PIP5K1C: variants seen among roughly 807,000 people sequenced by gnomAD.
PIP5K1C encodes phosphatidylinositol 4-phosphate 5-kinase type-1 gamma.
PIP5K1C carries 45 observed loss-of-function variants against 80.1 expected under a neutral mutation model. The ratio of observed to expected loss-of-function variants is 0.56; its 90% confidence interval spans 0.44 to 0.72. PIP5K1C has a LOEUF of 0.72. Ranked by LOEUF, PIP5K1C falls within the 30% of genes least tolerant of loss-of-function variation. The pLI, the probability that PIP5K1C is intolerant of heterozygous loss-of-function variation, is 0.00. For synonymous variants in PIP5K1C, 498 were observed against 420.1 expected, an observed-to-expected ratio of 1.19 and a Z score of -2.27; for missense variants, 753 against 954.6, an observed-to-expected ratio of 0.79 and a Z score of 2.78.
chr19:3,670,092 C>T (rs895369837), intron 1 of PIP5K1C, among the ~76,000 whole-genome samples: 24 of 119,736 alleles, frequency 2.0e-4, no homozygotes, highest in African/African-American at 7.6e-4. Context: ...GAACCTGGGG[C>T]AGGCGGCAGG....
intron 2 of PIP5K1C, 31 bp downstream of exon 2, chr19:3,667,291 C>G: frequency 5.0e-6 from 8 of 1,606,808 alleles, no homozygotes; most frequent in Non-Finnish European, 6.8e-6. Context: ...GGGTGGGGAC[C>G]CCAGGCCCTT....
Position 3,656,408 on chromosome 19 carries a change from G to C in PIP5K1C, c.618C>G (p.Tyr206Ter). The change falls in exon 6 of 18, where the codon TAC becomes TAG. Residue 206 changes from tyrosine to a stop codon, truncating the protein, a stop_gained. Transcript: ENST00000335312. LOFTEE classifies it high-confidence loss of function. ...EFLQKLLPGY[Y>*]MNLNQNPRTL... ...CCCCGCAGGGCGGGCCACGCACCAT[G>C]TAGTAGCCAGGGAGCAGCTTCTGCA... 1 of 1,613,344 alleles carries C rather than the reference G, an allele frequency of 6.2e-7. No homozygotes were observed. The highest frequency in any genetic ancestry group is 8.5e-7 in the Non-Finnish European group (1 of 1,180,006).
At chr19:3,680,344 G>A (rs1037066348) in intron 1 of PIP5K1C, among the ~76,000 whole-genome samples, 4 of 152,072 alleles carry the variant, frequency 2.6e-5, no homozygotes, top group East Asian at 1.9e-4. Flanking sequence ...CTGCTCTGTC[G>A]CCCAGGCTGG....
At chr19:3,697,767 GGCTCAGACACGCCCAGGCCACA>G (rs1375767536) in intron 1 of PIP5K1C, among the ~76,000 whole-genome samples, 1 of 152,170 alleles carries the variant, frequency 6.6e-6, no homozygotes, top group Non-Finnish European at 1.5e-5. Context: ...GCCTGGGAGA[GGCTCAGACACGCCCAGGCCACA>G]GCTCAGACCA....
chr19:3,632,925 G>T lies in PIP5K1C; in HGVS notation c.*242C>A. Reference sequence around the variant, plus strand: ...CTCTGTGCCAAATAAGGACTCAAATGCGATTGGCCGCTCGGGAGGGTGGGT... The same window carrying T: ...CTCTGTGCCAAATAAGGACTCAAATTCGATTGGCCGCTCGGGAGGGTGGGT... On this transcript the variant is annotated 3_prime_UTR_variant, in exon 18 of 18. Coordinates refer to ENST00000335312, the MANE Select transcript of PIP5K1C (RefSeq NM_012398.3). The T allele has an allele frequency of 1.9e-6, 1 of 527,932 alleles. No individual in the cohort carries two copies. The highest frequency in any genetic ancestry group is 3.3e-6 in the Non-Finnish European group (1 of 299,092). 32.7% of individuals were successfully genotyped at this position (527,932 alleles called of 1,614,324 possible).
intron 1 of PIP5K1C, among the ~76,000 whole-genome samples, chr19:3,677,598 G>A (rs2035400813): frequency 6.6e-6 from 1 of 151,186 alleles, no homozygotes; most frequent in South Asian, 2.1e-4. Context: ...AAAAGAGACA[G>A]TGAGTCCAGT....
intron 3 of PIP5K1C, among the ~76,000 whole-genome samples, chr19:3,664,231 T>G (rs573379381): frequency 6.6e-6 from 1 of 152,338 alleles, no homozygotes; most frequent in African/African-American, 2.4e-5. Context: ...TGGGGGTGAC[T>G]GCTAACAGGG....
At chr19:3,668,659 C>T (rs1025524004) in intron 1 of PIP5K1C, among the ~76,000 whole-genome samples, 2 of 152,166 alleles carry the variant, frequency 1.3e-5, no homozygotes, top group African/African-American at 2.4e-5. Flanking sequence ...CACGTGCTGG[C>T]GTCCACCATG....
intron 1 of PIP5K1C, among the ~76,000 whole-genome samples, chr19:3,673,077 A>C (rs1320578507): frequency 1.0e-5 from 1 of 97,106 alleles, no homozygotes; most frequent in African/African-American, 4.0e-5. Flanking sequence ...GCAACCCTGC[A>C]GGGTGAAGAC....
rs149100941 is a variant in PIP5K1C, at chr19:3,637,889, C to T, written c.1920+995G>A. The T allele has an allele frequency of 2.2e-3, 3,318 of 1,535,360 alleles. 4 individuals carry two copies. The highest frequency in any genetic ancestry group is 2.7e-3 in the Non-Finnish European group (3,077 of 1,146,702). ...CCCGTACCATCCGGAGACCAGGACG[C>T]GCACAAACCAGTCCCAGGAAAAGGG... On this transcript the variant is annotated intron_variant, in intron 16 of 17. Transcript: ENST00000335312. The surrounding 1 kb of genome is among the most constrained non-coding windows in gnomAD (Gnocchi z 7.0).
chr19:3,643,248 C>G lies in PIP5K1C; in HGVS notation c.1644G>C (p.Arg548=). The change falls in exon 13 of 18, where the codon CGG becomes CGC. Residue 548 remains arginine, a synonymous_variant. Coordinates refer to ENST00000335312, the MANE Select transcript of PIP5K1C (RefSeq NM_012398.3). ...RSPSETSEQP[R]YRRRTQSSGQ... ...ACTGCGGATGCCTCGCCCACCTGTACCGCGGCTGCTCCGACGTCTCCGAGG... is the reference window on the plus strand; with the variant it reads ...ACTGCGGATGCCTCGCCCACCTGTAGCGCGGCTGCTCCGACGTCTCCGAGG... 6.2e-7 allele frequency: 1 copy of G among 1,613,468 alleles called. No individual in the cohort carries two copies. Among genetic ancestry groups the G allele is most frequent in the Non-Finnish European group, 8.5e-7 (1 of 1,179,870 alleles).
intron 1 of PIP5K1C, among the ~76,000 whole-genome samples, chr19:3,671,382 C>CG (rs35118115): frequency 6.6e-6 from 1 of 152,256 alleles, no homozygotes; most frequent in South Asian, 2.1e-4. Flanking sequence ...CCAGGCACCT[C>CG]GGGGTCACCC....
At chr19:3,633,190 G>T in intron 17 of PIP5K1C, 21 bp from the exon 18 acceptor site, 1 of 765,354 alleles carries the variant, frequency 1.3e-6, no homozygotes, top group Non-Finnish European at 2.4e-6. Flanking sequence ...AAGAGGACAG[G>T]TGAAGGTGGG....
intron 1 of PIP5K1C, among the ~76,000 whole-genome samples, chr19:3,699,712 C>T (rs1285662325): frequency 6.6e-6 from 1 of 152,170 alleles, no homozygotes; most frequent in Non-Finnish European, 1.5e-5. Context: ...CAGCCGTGCC[C>T]CCCGCCCAGC....
intron 1 of PIP5K1C, among the ~76,000 whole-genome samples, chr19:3,697,678 A>G (rs2036169230): frequency 6.6e-6 from 1 of 152,084 alleles, no homozygotes; most frequent in Admixed American, 6.5e-5. Context: ...CCAGGGCATC[A>G]CAGAGACAGA....
chr19:3,639,527 G>A (rs1291201917), intron 15 of PIP5K1C, among the ~76,000 whole-genome samples: 2 of 152,284 alleles, frequency 1.3e-5, no homozygotes, highest in African/African-American at 4.8e-5. Context: ...CACCGCCCGG[G>A]CTCAAGCGAT....
rs2033732940 is a variant in PIP5K1C, at chr19:3,637,362, A to G, written c.1920+1522T>C. The G allele has an allele frequency of 1.3e-6, 2 of 1,535,302 alleles. No individual in the cohort carries two copies. Among genetic ancestry groups the G allele is most frequent in the South Asian group, 2.4e-5 (2 of 84,052 alleles). On this transcript the variant is annotated intron_variant, in intron 16 of 17. Transcript: ENST00000335312. This position sits in a 1 kb window ranked among gnomAD's most constrained non-coding sequence, Gnocchi z 7.0. ...ACATTCCCAGTGACGCATGCAGCCCAGCGCCTGGTCCGGGGCCAGCGTGGC... is the reference window on the plus strand; with the variant it reads ...ACATTCCCAGTGACGCATGCAGCCCGGCGCCTGGTCCGGGGCCAGCGTGGC...
chr19:3,671,495 C>G (rs1465750677), intron 1 of PIP5K1C, among the ~76,000 whole-genome samples: 1 of 152,216 alleles, frequency 6.6e-6, no homozygotes, highest in Non-Finnish European at 1.5e-5. Context: ...AGGAGAGGGG[C>G]AGGCGGCTCG....
At chr19:3,660,380 G>GAA (rs34093571) in intron 5 of PIP5K1C, among the ~76,000 whole-genome samples, 6 of 142,740 alleles carry the variant, frequency 4.2e-5, no homozygotes, top group South Asian at 2.2e-4. Context: ...ACTCTGTCTC[G>GAA]AAAAAAAAAA....
Sources: gnomAD v4.1 joint callset for allele counts (sites outside exome capture counted in the v4.1 genomes callset) on GRCh38, gnomAD v4.1.1 for gene constraint, Gnocchi (gnomAD v3.1) non-coding constraint, MANE v1.5 for transcripts, NCBI Gene and HGNC (gene_info 2026-07-23, HGNC 2026-07-21) for gene names.